Variants in FAHD2A observed in about 807,000 individuals in gnomAD.
The protein encoded by FAHD2A is fumarylacetoacetate hydrolase domain containing 2A.
FAHD2A carries 27 observed loss-of-function variants against 33.4 expected under a neutral mutation model. The observed-to-expected ratio is 0.81, with a 90% CI of 0.60 to 1.11. The LOEUF is 1.11. Among genes scored for constraint, FAHD2A ranks in the 50% most tolerant of loss-of-function variants. FAHD2A has a pLI of 0.00. For missense variants in FAHD2A, 296 were observed against 395.0 expected (o/e 0.75, Z 2.12); for synonymous variants, 130 against 153.3 (o/e 0.85, Z 1.12).
rs773567166 is a variant in FAHD2A at position 95,412,718 on chromosome 2, C to A, written c.836C>A (p.Thr279Asn). The A allele has an allele frequency of 3.1e-6, 5 of 1,613,790 alleles. No homozygotes were observed. The African/African-American group carries it at 4.0e-5, about 13-fold the overall frequency. ...FYPGDVILTG[T>N]PPGVGVFRKP... ...CCAGGGGATGTCATCCTAACTGGGA[C>A]CCCCCCAGGTGTCGGTGTATTCAGG... Residue 279 changes from threonine (T) to asparagine (N), a missense_variant, in exon 7 of 8, where the codon ACC becomes AAC. By Grantham distance (65) the Thr-to-Asn change is moderately conservative. Coordinates refer to ENST00000233379, the MANE Select transcript of FAHD2A (RefSeq NM_016044.3).
At chr2:95,420,724 A>G (rs1263874984), downstream of FAHD2A, among the ~76,000 whole-genome samples, 1 of 151,984 alleles carries the variant, frequency 6.6e-6, no homozygotes, top group African/African-American at 2.4e-5. Flanking sequence ...ACTGACTTTG[A>G]GTGGTAGGTG....
chr2:95,411,057 T>A, intron 5 of FAHD2A, 31 bp downstream of exon 5: 1 of 1,612,466 alleles, frequency 6.2e-7, no homozygotes, highest in Non-Finnish European at 8.5e-7. Flanking sequence ...CCCTTATACC[T>A]ACCATTGCAC....
At chr2:95,416,867 C>T (rs1683205223), downstream of FAHD2A, among the ~76,000 whole-genome samples, 1 of 152,214 alleles carries the variant, frequency 6.6e-6, no homozygotes, top group African/African-American at 2.4e-5. Flanking sequence ...TCCTTCTTTC[C>T]CTCGTCTCTC....
chr2:95,412,783 A>T lies in FAHD2A; in HGVS notation c.882+19A>T. The T allele has an allele frequency of 6.2e-7, 1 of 1,614,122 alleles. No individual in the cohort carries two copies. Among genetic ancestry groups the T allele is most frequent in the Non-Finnish European group, 8.5e-7 (1 of 1,179,948 alleles). On this transcript the variant is annotated intron_variant, in intron 7 of 7. Transcript: ENST00000233379. ...TCTCAAGGTAGGTTAGCGAAAAGCA[A>T]AGAGCAAGGGCCCCAAAGGCCTGGC...
chr2:95,408,389 T>C (rs1033970939), intron 3 of FAHD2A, among the ~76,000 whole-genome samples: 8 of 152,186 alleles, frequency 5.3e-5, no homozygotes, highest in Non-Finnish European at 1.2e-4. Flanking sequence ...CCATAGACTT[T>C]TTCTTAAAGG....
chr2:95,418,525 G>A (rs1683270581), downstream of FAHD2A, among the ~76,000 whole-genome samples: 1 of 151,994 alleles, frequency 6.6e-6, no homozygotes, highest in Non-Finnish European at 1.5e-5. Context: ...AAAAGTCAGA[G>A]AAGAGGGCAT....
rs1682943148 is a variant in FAHD2A at position 95,414,288 on chromosome 2, G to T, written c.*1331G>T. The T allele has an allele frequency of 3.4e-5, 45 of 1,331,760 alleles. No individual in the cohort carries two copies. The highest frequency in any genetic ancestry group is 4.6e-5 in the Non-Finnish European group (43 of 926,952). 82.5% of individuals were successfully genotyped at this position (1,331,760 alleles called of 1,614,324 possible). On this transcript the variant is annotated 3_prime_UTR_variant, in exon 8 of 8. Transcript: ENST00000233379. Reference sequence around the variant, plus strand: ...CCTGGGCGGTGGCCTGCAGGAACTGGAACAGCTGTTGGAGAGGAGAAGAAA... The same window carrying T: ...CCTGGGCGGTGGCCTGCAGGAACTGTAACAGCTGTTGGAGAGGAGAAGAAA...
chr2:95,413,265 CA>C lies in FAHD2A; in HGVS notation c.*310del, dbSNP rs1216083564. 1 of 1,332,616 alleles carries C rather than the reference CA, an allele frequency of 7.5e-7. No homozygotes were observed. Among genetic ancestry groups the C allele is most frequent in the African/African-American group, 1.5e-5 (1 of 67,406 alleles). The allele number at this position is 1,332,616 out of a possible 1,614,324, so 82.5% of individuals were successfully genotyped here. ...AGATGCTGCTGGGCTGGGGAAAAGA[CA>C]ATTCGTGTCGTCCCCTTGTTTATCA... On this transcript the variant is annotated 3_prime_UTR_variant, in exon 8 of 8. Transcript: ENST00000233379.
chr2:95,412,442 A>C lies in FAHD2A; in HGVS notation c.694A>C (p.Asn232His). 6.2e-7 allele frequency: 1 copy of C among 1,613,916 alleles called. No individual in the cohort carries two copies. Among genetic ancestry groups the C allele is most frequent in the African/African-American group, 1.3e-5 (1 of 75,036 alleles). Residue 232 changes from asparagine (N) to histidine (H), a missense_variant, in exon 6 of 8, where the codon AAC becomes CAC. By Grantham distance (68) the Asn-to-His change is moderately conservative. Coordinates refer to ENST00000233379, the MANE Select transcript of FAHD2A (RefSeq NM_016044.3). ...CCATCTTTGCATTTCAGATCCACAC[A>C]ACTTAAAGATCTGCTGCCGAGTGAA... is the stretch of plus-strand genomic sequence containing the variant. ...VTKDSVADPH[N>H]LKICCRVNGE... is the part of the protein sequence containing the mutation.
At position 95,413,794 on chromosome 2, in the gene FAHD2A, C is replaced by G; in HGVS notation, c.*837C>G. 1 of 709,562 alleles carries G rather than the reference C, an allele frequency of 1.4e-6. No individual in the cohort carries two copies. The highest frequency in any genetic ancestry group is 1.8e-5 in the South Asian group (1 of 55,666). The allele number at this position is 709,562 out of a possible 1,614,324, so 44.0% of individuals were successfully genotyped here. A position where few individuals can be genotyped will look rare whatever the true frequency, so the allele number is the denominator to read the frequency against. On this transcript the variant is annotated 3_prime_UTR_variant, in exon 8 of 8. Transcript: ENST00000233379. ...AGGAAACCATCCCACCTTCTCCAAC[C>G]CATCACCACGTCTATTGCTGGAAGA...
intron 3 of FAHD2A, among the ~76,000 whole-genome samples, chr2:95,410,271 C>T (rs1198282546): frequency 1.3e-5 from 2 of 152,366 alleles, no homozygotes; most frequent in African/African-American, 2.4e-5. Context: ...ACACGTGTTG[C>T]TCTTCTGCAG....
rs1682795113 is a variant in FAHD2A at position 95,413,043 on chromosome 2, G to C, written c.*86G>C. On this transcript the variant is annotated 3_prime_UTR_variant, in exon 8 of 8. Coordinates refer to ENST00000233379, the MANE Select transcript of FAHD2A (RefSeq NM_016044.3). Reference sequence around the variant, plus strand: ...AGGGAAAGGCCCAGTGACAGGTGTGGACAGGTGCCAGCCCTGCAAGCCGCC... The same window carrying C: ...AGGGAAAGGCCCAGTGACAGGTGTGCACAGGTGCCAGCCCTGCAAGCCGCC... The C allele has an allele frequency of 5.9e-6, 9 of 1,512,700 alleles. No individual in the cohort carries two copies. The highest frequency in any genetic ancestry group is 8.1e-6 in the Non-Finnish European group (9 of 1,109,010). 93.7% of individuals were successfully genotyped at this position (1,512,700 alleles called of 1,614,324 possible).
At chr2:95,403,177 G>C (rs1680996441) in intron 1 of FAHD2A, among the ~76,000 whole-genome samples, 1 of 152,230 alleles carries the variant, frequency 6.6e-6, no homozygotes, top group African/African-American at 2.4e-5. Flanking sequence ...GACTCTTGCA[G>C]AGTTGGATTG....
At position 95,412,493 on chromosome 2, in the gene FAHD2A, A is replaced by G. The variant is rs1291111894; in HGVS notation, c.745A>G (p.Thr249Ala). 5 of 1,613,958 alleles carry G rather than the reference A, an allele frequency of 3.1e-6. No individual in the cohort carries two copies. The African/African-American group carries it at 5.3e-5, about 17-fold the overall frequency. Residue 249 changes from threonine to alanine, a missense_variant, in exon 6 of 8, where the codon ACC (threonine) becomes GCC (alanine). Coordinates refer to ENST00000233379, the MANE Select transcript of FAHD2A (RefSeq NM_016044.3). ...TGGGGAAGTGGTCCAGAGCGGCAAC[A>G]CCAACCAGATGGTATTCAAGACAGA... The part of the protein sequence containing the change: ...VNGEVVQSGN[T>A]NQMVFKTEDL...
At chr2:95,408,035 ATTTTTTT>A (rs11377714) in intron 3 of FAHD2A, among the ~76,000 whole-genome samples, 26 of 94,698 alleles carry the variant, frequency 2.7e-4, no homozygotes, top group South Asian at 1.2e-3. Context: ...GCAAACACAC[ATTTTTTT>A]TTTTTTTTTT....
rs189570304 is a variant in FAHD2A at position 95,413,300 on chromosome 2, A to C, written c.*343A>C. On this transcript the variant is annotated 3_prime_UTR_variant, in exon 8 of 8. Transcript: ENST00000233379. ...CGTCCCCTTGTTTATCACATCAAAG[A>C]AGGGAAAAAGCAAGAGATGGCAAGG... The C allele has an allele frequency of 3.2e-3, 4,627 of 1,426,692 alleles. 12 individuals are homozygous for C. Among genetic ancestry groups the C allele is most frequent in the Non-Finnish European group, 3.7e-3 (3,987 of 1,078,608 alleles). 88.4% of individuals were successfully genotyped at this position (1,426,692 alleles called of 1,614,324 possible). A position where few individuals can be genotyped will look rare whatever the true frequency, so the allele number is the denominator to read the frequency against.
At chr2:95,404,755 G>A (rs1239105018) in intron 1 of FAHD2A, among the ~76,000 whole-genome samples, 1 of 152,244 alleles carries the variant, frequency 6.6e-6, no homozygotes, top group Non-Finnish European at 1.5e-5. Context: ...CAGTGAAAGA[G>A]ACAGACATGT....
intron 5 of FAHD2A, 44 bp from the exon 6 acceptor site, chr2:95,412,390 A>G (rs765914808): frequency 1.2e-6 from 2 of 1,611,144 alleles, no homozygotes; most frequent in Admixed American, 3.3e-5. Flanking sequence ...GGGGGGTTTG[A>G]GGGGGAAAAG....
At chr2:95,404,801 C>T (rs1417694402) in intron 1 of FAHD2A, among the ~76,000 whole-genome samples, 3 of 152,226 alleles carry the variant, frequency 2.0e-5, no homozygotes, top group Admixed American at 1.3e-4. Context: ...TGATGGCTGT[C>T]AGGCCCAGAC....
Sources: allele counts gnomAD v4.1 joint callset (sites outside exome capture counted in the v4.1 genomes callset), GRCh38; gene constraint gnomAD v4.1.1; transcripts MANE v1.5; gene names NCBI Gene and HGNC (gene_info 2026-07-23, HGNC 2026-07-21).